The following TNFRSF10B variants were observed in gnomAD, a reference collection of about 807,000 sequenced individuals.
TNFRSF10B encodes the protein TNF receptor superfamily member 10b.
Under a neutral mutation model 41.4 loss-of-function variants are expected in TNFRSF10B, and 35 were observed. That is an observed-to-expected ratio of 0.85 (90% CI 0.65 to 1.12). The LOEUF is 1.12. Among genes scored for constraint, TNFRSF10B ranks in the 50% most tolerant of loss-of-function variants. The pLI, the probability that TNFRSF10B is intolerant of heterozygous loss-of-function variation, is 0.00. For missense variants in TNFRSF10B, 584 were observed against 552.7 expected, an observed-to-expected ratio of 1.06 and a Z score of -0.57; for synonymous variants, 230 against 215.5, an observed-to-expected ratio of 1.07 and a Z score of -0.59.
intron 1 of TNFRSF10B, among the ~76,000 whole-genome samples, chr8:23,046,954 T>G (rs1026799503): frequency 6.6e-6 from 1 of 152,026 alleles, no homozygotes; most frequent in Non-Finnish European, 1.5e-5. Flanking sequence ...AAAAATCAAC[T>G]CAAAATGGAT....
intron 1 of TNFRSF10B, among the ~76,000 whole-genome samples, chr8:23,044,355 C>T (rs1812291766): frequency 6.6e-6 from 1 of 152,090 alleles, no homozygotes; most frequent in African/African-American, 2.4e-5. Flanking sequence ...TTTTGTGCAT[C>T]CAATGATGAT....
intron 1 of TNFRSF10B, among the ~76,000 whole-genome samples, chr8:23,057,807 C>T (rs372559174): frequency 1.3e-5 from 2 of 152,088 alleles, no homozygotes; most frequent in South Asian, 2.1e-4. Context: ...TACAAAGGTC[C>T]CTTTTCATGT....
At chr8:23,027,024 G>A in intron 7 of TNFRSF10B, 109 bp downstream of exon 7, 2 of 1,553,630 alleles carry the variant, frequency 1.3e-6, no homozygotes, top group African/African-American at 1.4e-5. Flanking sequence ...GCTCCTTCAG[G>A]TTCCATTTCC....
chr8:23,066,183 CGAGGTGG>C (rs1384008524), intron 1 of TNFRSF10B, among the ~76,000 whole-genome samples: 1 of 151,764 alleles, frequency 6.6e-6, no homozygotes, highest in Non-Finnish European at 1.5e-5. Flanking sequence ...CTTGGGAGGC[CGAGGTGG>C]GAGGATCACT....
chr8:23,043,744 C>T (rs1314924665), intron 1 of TNFRSF10B, among the ~76,000 whole-genome samples: 1 of 152,188 alleles, frequency 6.6e-6, no homozygotes, highest in Non-Finnish European at 1.5e-5. Context: ...AGGTGCCTGA[C>T]ATATAGACCA....
At chr8:23,055,529 A>AAAAAAAAAAAGCC (rs1812639706) in intron 1 of TNFRSF10B, among the ~76,000 whole-genome samples, 2 of 151,746 alleles carry the variant, frequency 1.3e-5, no homozygotes. Context: ...CTTAAAAAAA[A>AAAAAAAAAAAGCC]AAAAAAAAAA....
chr8:23,043,220 G>C lies in TNFRSF10B; in HGVS notation c.168C>G (p.Ile56Met). 6.2e-7 allele frequency: 1 copy of C among 1,614,134 alleles called. No individual in the cohort carries two copies. Among genetic ancestry groups the C allele is most frequent in the Non-Finnish European group, 8.5e-7 (1 of 1,180,024 alleles). The change falls in exon 2 of 9, where the codon ATC (isoleucine) becomes ATG (methionine). Residue 56 changes from isoleucine to methionine, a missense_variant. Transcript: ENST00000276431. ...GCTGGGGAGCTAGGTCTTGTTGGGTGATCAGAGCAGACTCAGCTGAGACCT... is the reference window on the plus strand; with the variant it reads ...GCTGGGGAGCTAGGTCTTGTTGGGTCATCAGAGCAGACTCAGCTGAGACCT... Reference protein sequence around the residue: ...LLLVSAESALITQQDLAPQQR... With the variant: ...LLLVSAESALMTQQDLAPQQR...
intron 1 of TNFRSF10B, among the ~76,000 whole-genome samples, chr8:23,052,209 T>C (rs1034403218): frequency 2.0e-5 from 3 of 152,154 alleles, no homozygotes; most frequent in African/African-American, 7.2e-5. Flanking sequence ...GATATCTAAT[T>C]ATTTGGGTAT....
At chr8:23,054,189 A>G (rs190042715) in intron 1 of TNFRSF10B, among the ~76,000 whole-genome samples, 115 of 152,294 alleles carry the variant, frequency 7.6e-4, no homozygotes, top group African/African-American at 2.1e-3. Flanking sequence ...TAGAGGAAAA[A>G]CGTTGATGAC....
At chr8:23,029,551 G>A in intron 4 of TNFRSF10B, 59 bp downstream of exon 4, 1 of 1,513,286 alleles carries the variant, frequency 6.6e-7, no homozygotes, top group South Asian at 1.2e-5. Context: ...GGGGTACAAG[G>A]AGACTTGGGT....
At chr8:23,046,303 ATATGAAACAGACATT>A in intron 1 of TNFRSF10B, among the ~76,000 whole-genome samples, 1 of 152,154 alleles carries the variant, frequency 6.6e-6, no homozygotes, top group Non-Finnish European at 1.5e-5. Context: ...ATAATGAACT[ATATGAAACAGACATT>A]AAGAAAACAA....
chr8:23,026,075 CA>C (rs971130919), intron 7 of TNFRSF10B, among the ~76,000 whole-genome samples: 28 of 144,328 alleles, frequency 1.9e-4, no homozygotes, highest in South Asian at 4.3e-4. Flanking sequence ...GATCCTGTCT[CA>C]AAAAAAAAAA....
intron 2 of TNFRSF10B, among the ~76,000 whole-genome samples, chr8:23,033,648 G>GTAAATA (rs1219498371): frequency 7.2e-6 from 1 of 138,862 alleles, no homozygotes; most frequent in Non-Finnish European, 1.5e-5. Context: ...AACTATTTAG[G>GTAAATA]TAAATATAAA....
rs1048250145 is a variant in TNFRSF10B at position 23,024,335 on chromosome 8, CAGCT to C, written c.937-79_937-76del. The C allele has an allele frequency of 1.3e-5, 20 of 1,545,524 alleles. No individual in the cohort carries two copies. The Admixed American group carries it at 2.8e-4, about 22-fold the overall frequency. On this transcript the variant is annotated intron_variant, in intron 7 of 8. Transcript: ENST00000276431. The stretch of plus-strand genomic sequence containing the variant: ...TCCAGTACTGACCCCGACCACCAGC[CAGCT>C]CTGAGACCTGCAGCACGTCACTTCC...
At chr8:23,046,433 CAAAT>C (rs1246981198) in intron 1 of TNFRSF10B, among the ~76,000 whole-genome samples, 2 of 151,664 alleles carry the variant, frequency 1.3e-5, no homozygotes, top group Non-Finnish European at 1.5e-5. Context: ...ACAGAAGAGA[CAAAT>C]AAAACGGAAA....
At chr8:23,037,493 G>A (rs908640085) in intron 2 of TNFRSF10B, among the ~76,000 whole-genome samples, 13 of 152,228 alleles carry the variant, frequency 8.5e-5, no homozygotes, top group Admixed American at 4.6e-4. Context: ...TGCCTTCCCT[G>A]CATGCAATGC....
At chr8:23,062,896 T>C (rs1812872260) in intron 1 of TNFRSF10B, among the ~76,000 whole-genome samples, 1 of 152,274 alleles carries the variant, frequency 6.6e-6, no homozygotes, top group African/African-American at 2.4e-5. Flanking sequence ...CTACTCATTC[T>C]TTCTGCTATA....
At chr8:23,035,796 G>A (rs539747378) in intron 2 of TNFRSF10B, among the ~76,000 whole-genome samples, 1 of 152,302 alleles carries the variant, frequency 6.6e-6, no homozygotes, top group South Asian at 2.1e-4. Flanking sequence ...TGCTTATTTT[G>A]ATTTTGGTGG....
At chr8:23,045,377 T>C (rs7016296) in intron 1 of TNFRSF10B, among the ~76,000 whole-genome samples, 27,423 of 152,146 alleles carry the variant, frequency 0.18, 5,050 homozygotes, top group African/African-American at 0.48. Context: ...CTACCAATAC[T>C]GAATCATGAA....
Sources: gnomAD v4.1 joint callset for allele counts (sites outside exome capture counted in the v4.1 genomes callset) on GRCh38, gnomAD v4.1.1 for gene constraint, MANE v1.5 for transcripts, NCBI Gene and HGNC (gene_info 2026-07-23, HGNC 2026-07-21) for gene names.